Variants in OXR1 observed in about 807,000 individuals in gnomAD.
OXR1 encodes the protein oxidation resistance 1.
OXR1 carries 41 observed loss-of-function variants against 104.6 expected under a neutral mutation model. The observed-to-expected ratio is 0.39, with a 90% CI of 0.31 to 0.51. OXR1 has a LOEUF of 0.51. Ranked by LOEUF, OXR1 falls within the 20% of genes least tolerant of loss-of-function variation. The pLI is 0.77. For missense variants in OXR1, 955 were observed against 1,031.9 expected (o/e 0.93, Z 1.02); for synonymous variants, 348 against 348.4 (o/e 1.00, Z 0.01).
intron 3 of OXR1, among the ~76,000 whole-genome samples, chr8:106,578,060 C>G (rs1817981852): frequency 6.6e-6 from 1 of 152,118 alleles, no homozygotes; most frequent in South Asian, 2.1e-4. Context: ...AGGGGTGTCA[C>G]ATTTAACATA....
chr8:106,647,695 A>G (rs965915324), intron 3 of OXR1, among the ~76,000 whole-genome samples: 1 of 152,182 alleles, frequency 6.6e-6, no homozygotes, highest in African/African-American at 2.4e-5. Flanking sequence ...TTGGCTTATC[A>G]TATCAGAAAT....
intron 1 of OXR1, among the ~76,000 whole-genome samples, chr8:106,322,029 C>T (rs1586520632): frequency 6.6e-6 from 1 of 152,252 alleles, no homozygotes; most frequent in East Asian, 1.9e-4. Context: ...AAACTAAAGG[C>T]TGATAACCAA....
intron 3 of OXR1, among the ~76,000 whole-genome samples, chr8:106,620,990 A>G (rs1051278818): frequency 1.3e-5 from 2 of 152,204 alleles, no homozygotes; most frequent in African/African-American, 4.8e-5. Flanking sequence ...TTCATTCCAA[A>G]TTAGAAAGTT....
rs573528767 is a variant in OXR1, at chr8:106,299,088, CA to C, written c.-139+28722del. Among the ~76,000 whole-genome samples, 27 of 152,022 alleles carry C rather than the reference CA, an allele frequency of 1.8e-4. 1 individual carries two copies. The South Asian group carries it at 5.6e-3, about 32-fold the overall frequency. ...AACCCCAAATCTCAGTGTTTTAGAC[CA>C]CAAAAGTTCATTGCTCACTCATGTG... On this transcript the variant is annotated intron_variant, in intron 1 of 16. Coordinates refer to ENST00000517566, the MANE Select transcript of OXR1 (RefSeq NM_001198533.2).
chr8:106,524,103 T>C (rs2130160124), intron 3 of OXR1, among the ~76,000 whole-genome samples: 1 of 152,296 alleles, frequency 6.6e-6, no homozygotes, highest in Non-Finnish European at 1.5e-5. Context: ...CCACTCCAAT[T>C]ATTGTTTGTG....
At chr8:106,551,719 G>A (rs373690673) in intron 3 of OXR1, among the ~76,000 whole-genome samples, 17 of 150,088 alleles carry the variant, frequency 1.1e-4, no homozygotes, top group African/African-American at 2.7e-4. Flanking sequence ...AGGCTGAGGC[G>A]GGAGGATCAC....
chr8:106,536,016 C>G (rs575902011), intron 3 of OXR1, among the ~76,000 whole-genome samples: 2 of 151,948 alleles, frequency 1.3e-5, no homozygotes, highest in Non-Finnish European at 2.9e-5. Flanking sequence ...GTCAGGAAAT[C>G]GAGACCATCC....
intron 11 of OXR1, among the ~76,000 whole-genome samples, chr8:106,720,008 G>A (rs1832688307): frequency 1.3e-5 from 2 of 152,130 alleles, no homozygotes; most frequent in Middle Eastern, 6.8e-3. Flanking sequence ...GAGTTTCATC[G>A]TGTTAGCTAG....
At chr8:106,706,287 GTC>G in intron 8 of OXR1, 93 bp from the exon 9 acceptor site, 1 of 790,080 alleles carries the variant, frequency 1.3e-6, no homozygotes, top group Non-Finnish European at 1.9e-6. Context: ...TTGTTAAAAA[GTC>G]TTTTTAGTGA....
At chr8:106,551,870 G>GTATATATATA (rs1815861157) in intron 3 of OXR1, among the ~76,000 whole-genome samples, 1 of 144,554 alleles carries the variant, frequency 6.9e-6, no homozygotes. Flanking sequence ...ATGTGTGTGT[G>GTATATATATA]TGTGTGTGTG....
chr8:106,270,470 G>A (rs1254297895), intron 1 of OXR1, 103 bp downstream of exon 1: 3 of 152,480 alleles, frequency 2.0e-5, no homozygotes, highest in African/African-American at 4.8e-5. Context: ...GAGCCGGCTG[G>A]CCTCTGCCCC....
chr8:106,468,110 C>CT (rs1272763696), intron 2 of OXR1, among the ~76,000 whole-genome samples: 1 of 151,718 alleles, frequency 6.6e-6, no homozygotes, highest in Non-Finnish European at 1.5e-5. Context: ...TTTATTCATT[C>CT]TTTATCTATT....
At chr8:106,621,685 G>T (rs949428439) in intron 3 of OXR1, among the ~76,000 whole-genome samples, 4 of 152,108 alleles carry the variant, frequency 2.6e-5, no homozygotes, top group African/African-American at 9.7e-5. Context: ...TGAGGATAGG[G>T]ATACTTTGAA....
At chr8:106,630,941 T>G (rs761502888) in intron 3 of OXR1, among the ~76,000 whole-genome samples, 5 of 152,088 alleles carry the variant, frequency 3.3e-5, no homozygotes, top group Non-Finnish European at 7.4e-5. Context: ...AGTGAGAAAA[T>G]GTAAGGGACT....
At chr8:106,424,590 C>T (rs1819033802) in intron 2 of OXR1, among the ~76,000 whole-genome samples, 1 of 152,098 alleles carries the variant, frequency 6.6e-6, no homozygotes, top group Non-Finnish European at 1.5e-5. Flanking sequence ...AATGACCATA[C>T]ATCTGACAAA....
At chr8:106,577,389 T>TTA (rs1191887691) in intron 3 of OXR1, among the ~76,000 whole-genome samples, 12 of 131,594 alleles carry the variant, frequency 9.1e-5, no homozygotes, top group African/African-American at 3.5e-4. Context: ...TTTTTTTTTT[T>TTA]TTTTTTTTTT....
intron 1 of OXR1, among the ~76,000 whole-genome samples, chr8:106,356,020 GA>G (rs1283947810): frequency 5.3e-5 from 8 of 152,170 alleles, no homozygotes. Flanking sequence ...ACAAAAGGCA[GA>G]AGTGTTTTTA....
chr8:106,283,184 C>T (rs1233339087), intron 1 of OXR1, among the ~76,000 whole-genome samples: 2 of 152,180 alleles, frequency 1.3e-5, no homozygotes, highest in Non-Finnish European at 2.9e-5. Flanking sequence ...GCTGAGTTAG[C>T]ACGTTTCTGA....
At chr8:106,423,569 G>A (rs775381826) in intron 2 of OXR1, among the ~76,000 whole-genome samples, 4 of 152,164 alleles carry the variant, frequency 2.6e-5, no homozygotes, top group African/African-American at 4.8e-5. Flanking sequence ...CTCAGCCTCT[G>A]TTCTGCTAAT....
Sources: gnomAD v4.1 joint callset for allele counts (sites outside exome capture counted in the v4.1 genomes callset) on GRCh38, gnomAD v4.1.1 for gene constraint, MANE v1.5 for transcripts, NCBI Gene and HGNC (gene_info 2026-07-23, HGNC 2026-07-21) for gene names.